PTMA: variants seen among roughly 807,000 people sequenced by gnomAD.
The protein encoded by PTMA is gene sequence 28.
A neutral mutation model predicts 16.9 loss-of-function variants in PTMA; 4 were observed. That is an observed-to-expected ratio of 0.24 (90% CI 0.12 to 0.54). The LOEUF is 0.54. Ranked by LOEUF, PTMA falls within the 20% of genes least tolerant of loss-of-function variation. The probability of loss-of-function intolerance (pLI) is 0.95; values close to 1 mark genes in which losing one functional copy is unlikely to be tolerated. For missense variants in PTMA, 120 were observed against 137.7 expected, an observed-to-expected ratio of 0.87 and a Z score of 0.64; for synonymous variants, 58 against 47.9, an observed-to-expected ratio of 1.21 and a Z score of -0.87.
intron 1 of PTMA, among the ~76,000 whole-genome samples, chr2:231,709,167 G>C (rs1410198120): frequency 6.6e-6 from 1 of 152,144 alleles, no homozygotes; most frequent in Non-Finnish European, 1.5e-5. Flanking sequence ...GTTGGGGCGC[G>C]GGCCGGCCGC....
chr2:231,710,048 C>A, intron 1 of PTMA: 1 of 1,222,630 alleles, frequency 8.2e-7, no homozygotes. Flanking sequence ...GTTCGATTTT[C>A]TCCGAAGCAC....
intron 2 of PTMA, 56 bp downstream of exon 2, chr2:231,711,475 C>G (rs973094479): frequency 6.5e-7 from 1 of 1,537,040 alleles, no homozygotes. Flanking sequence ...AAAATTTTTC[C>G]TGTTCTACTT....
rs1183866341 is a variant in PTMA at position 231,712,426 on chromosome 2, C to G, written c.212-17C>G. The G allele has an allele frequency of 6.2e-7, 1 of 1,611,988 alleles. No homozygotes were observed. Among genetic ancestry groups the G allele is most frequent in the Admixed American group, 1.7e-5 (1 of 60,006 alleles). On this transcript the variant is annotated splice_polypyrimidine_tract_variant and intron_variant, in intron 3 of 4. Transcript: ENST00000409115. ...TAGGAGGGAAGTGTGGTTTACCTGG[C>G]CTTTGATTCTCTCCAGGTGAGGAAG...
intron 1 of PTMA, chr2:231,710,364 C>T (rs948427758): frequency 1.3e-5 from 16 of 1,201,606 alleles, no homozygotes; most frequent in Non-Finnish European, 1.6e-5. Flanking sequence ...TGCCGAGGCC[C>T]GCGCGCAAAG....
chr2:231,711,185 C>T (rs1160588980), intron 1 of PTMA, 163 bp from the exon 2 acceptor site: 1 of 602,950 alleles, frequency 1.7e-6, no homozygotes, highest in Non-Finnish European at 3.0e-6. Context: ...TTCCACCAGA[C>T]CAGTGGGAGA....
chr2:231,710,213 T>C, intron 1 of PTMA: 1 of 1,340,140 alleles, frequency 7.5e-7, no homozygotes, highest in Non-Finnish European at 9.7e-7. Context: ...GTGGCGGCAG[T>C]GGGGCGTCGA....
At chr2:231,711,622 A>AC in intron 2 of PTMA, 4 of 738,586 alleles carry the variant, frequency 5.4e-6, no homozygotes, top group Non-Finnish European at 8.7e-6. Flanking sequence ...CAGCGCCTGA[A>AC]CAAGAATAGG....
intron 1 of PTMA, 59 bp from the exon 2 acceptor site, chr2:231,711,289 G>A (rs115552745): frequency 6.9e-7 from 1 of 1,449,770 alleles, no homozygotes; most frequent in African/African-American, 1.4e-5. Flanking sequence ...CAGCGCCTTT[G>A]CTTACCCTGG....
Position 231,708,550 on chromosome 2 carries a change from A to G in PTMA, c.-157A>G. ...CCCCCACTGGCTGCTCTGAAAAGCC[A>G]TCTTTGCATTGTTCCTCATCCGCCT... On this transcript the variant is annotated 5_prime_UTR_variant, in exon 1 of 5. Coordinates refer to ENST00000409115, the MANE Select transcript of PTMA (RefSeq NM_002823.5). The G allele has an allele frequency of 3.6e-6, 3 of 836,682 alleles. No individual in the cohort carries two copies. Among genetic ancestry groups the G allele is most frequent in the Non-Finnish European group, 3.9e-6 (2 of 513,554 alleles). The allele number at this position is 836,682 out of a possible 1,614,324, so 51.8% of individuals were successfully genotyped here.
chr2:231,709,177 C>T (rs1265564550), intron 1 of PTMA, among the ~76,000 whole-genome samples: 1 of 152,100 alleles, frequency 6.6e-6, no homozygotes, highest in Non-Finnish European at 1.5e-5. Flanking sequence ...GGGCCGGCCG[C>T]GGGAAGTGGC....
intron 1 of PTMA, chr2:231,710,191 G>T: frequency 7.6e-7 from 1 of 1,308,438 alleles, no homozygotes. Flanking sequence ...GCAGACATTC[G>T]GGCCTGCCGG....
At position 231,710,199 on chromosome 2, in the gene PTMA, C is replaced by A. The variant is rs748864395; in HGVS notation, c.46-1149C>A. 4 of 1,319,170 alleles carry A rather than the reference C, an allele frequency of 3.0e-6. No individual in the cohort carries two copies. In the African/African-American group the frequency reaches 6.1e-5, roughly 20 times the overall value. The allele number at this position is 1,319,170 out of a possible 1,614,324, so 81.7% of individuals were successfully genotyped here. A position where few individuals can be genotyped will look rare whatever the true frequency, so the allele number is the denominator to read the frequency against. Reference sequence around the variant, plus strand: ...GCCGAATGCAGACATTCGGGCCTGCCGGGGTGGCGGCAGTGGGGCGTCGAG... The same window carrying A: ...GCCGAATGCAGACATTCGGGCCTGCAGGGGTGGCGGCAGTGGGGCGTCGAG... On this transcript the variant is annotated intron_variant, in intron 1 of 4. Transcript: ENST00000409115.
chr2:231,710,603 G>A (rs768767680), intron 1 of PTMA: 20 of 493,540 alleles, frequency 4.1e-5, no homozygotes, highest in East Asian at 4.0e-4. Flanking sequence ...TGGTGGCCGT[G>A]TCGTGTGGAA....
chr2:231,712,680 C>T (rs1272365522), intron 4 of PTMA, 124 bp from the exon 5 acceptor site: 3 of 1,361,514 alleles, frequency 2.2e-6, no homozygotes, highest in Admixed American at 4.3e-5. Flanking sequence ...GGCTCAACTT[C>T]CCAGAGGCCT....
rs1442484854 is a variant in PTMA at position 231,712,745 on chromosome 2, A to G, written c.286-59A>G. ...TTGCTCTGCCAGCAGGAGCTGAGGC[A>G]GTGGGCTGGATAGGGCTCCTGGGGT... On this transcript the variant is annotated intron_variant, in intron 4 of 4. Transcript: ENST00000409115. 9 of 1,547,764 alleles carry G rather than the reference A, an allele frequency of 5.8e-6. No individual in the cohort carries two copies. The Admixed American group carries it at 1.2e-4, about 21-fold the overall frequency.
chr2:231,709,809 G>A, intron 1 of PTMA: 1 of 179,290 alleles, frequency 5.6e-6, no homozygotes, highest in Non-Finnish European at 1.2e-5. Context: ...TTAATATTTC[G>A]GCCCTCGTCC....
chr2:231,711,950 G>C lies in PTMA; in HGVS notation c.178G>C (p.Gly60Arg), dbSNP rs746657285. The C allele has an allele frequency of 6.3e-7, 1 of 1,593,956 alleles. No homozygotes were observed. Among genetic ancestry groups the C allele is most frequent in the Admixed American group, 1.8e-5 (1 of 56,360 alleles). Residue 60 changes from glycine (G) to arginine (R), a missense_variant, in exon 3 of 5, where the codon GGG becomes CGG. Gly to Arg is a moderately radical substitution (Grantham distance 125). Coordinates refer to ENST00000409115, the MANE Select transcript of PTMA (RefSeq NM_002823.5). ...GGTAGACGAAGAAGAGGAAGAAGGT[G>C]GGGAGGAAGAGGAGGAGGAAGAAGA... Reference protein sequence around the residue: ...NEVDEEEEEGGEEEEEEEEGD... With the variant: ...NEVDEEEEEGREEEEEEEEGD...
intron 1 of PTMA, 33 bp from the exon 2 acceptor site, chr2:231,711,315 T>TAA (rs1202611062): frequency 6.3e-7 from 1 of 1,589,498 alleles, no homozygotes; most frequent in Non-Finnish European, 8.6e-7. Context: ...TCAGAAGACT[T>TAA]ACTGGTTACT....
chr2:231,713,164 G>T lies in PTMA; in HGVS notation c.*313G>T. Reference sequence around the variant, plus strand: ...ATTTTTGTACATATTGTTAGGGTCAGCCATTTTTAATGATCTCGGATGACC... The same window carrying T: ...ATTTTTGTACATATTGTTAGGGTCATCCATTTTTAATGATCTCGGATGACC... On this transcript the variant is annotated 3_prime_UTR_variant, in exon 5 of 5. Transcript: ENST00000409115. 2.2e-6 allele frequency: 1 copy of T among 451,804 alleles called. No individual in the cohort carries two copies. The highest frequency in any genetic ancestry group is 4.4e-6 in the Non-Finnish European group (1 of 229,316). The allele number at this position is 451,804 out of a possible 1,614,324, so 28.0% of individuals were successfully genotyped here. A position where few individuals can be genotyped will look rare whatever the true frequency, so the allele number is the denominator to read the frequency against.
Sources: gnomAD v4.1 joint callset for allele counts (sites outside exome capture counted in the v4.1 genomes callset) on GRCh38, gnomAD v4.1.1 for gene constraint, MANE v1.5 for transcripts, NCBI Gene and HGNC (gene_info 2026-07-23, HGNC 2026-07-21) for gene names.